Variants in FRRS1 observed in about 807,000 individuals in gnomAD.
FRRS1 encodes the protein ferric chelate reductase 1.
A neutral mutation model predicts 70.7 loss-of-function variants in FRRS1; 51 were observed. The observed-to-expected ratio is 0.72, with a 90% CI of 0.58 to 0.91. The LOEUF is 0.91. Among genes scored for constraint, FRRS1 ranks in the 40% least tolerant of loss-of-function variants. The probability of loss-of-function intolerance (pLI) is 0.00; values close to 1 mark genes in which losing one functional copy is unlikely to be tolerated. For missense variants in FRRS1, 672 were observed against 726.0 expected (o/e 0.93, Z 0.86); for synonymous variants, 225 against 238.7 (o/e 0.94, Z 0.53).
chr1:99,738,907 G>A (rs1655813397), intron 6 of FRRS1, among the ~76,000 whole-genome samples: 1 of 152,050 alleles, frequency 6.6e-6, no homozygotes, highest in Admixed American at 6.5e-5. Flanking sequence ...TTCTTGATAA[G>A]GAATATAAGA....
chr1:99,722,219 G>C (rs1037818611), intron 9 of FRRS1, among the ~76,000 whole-genome samples: 7 of 152,114 alleles, frequency 4.6e-5, no homozygotes, highest in African/African-American at 1.7e-4. Context: ...ATGTTGCCCA[G>C]GCTGGTCTCA....
chr1:99,734,642 C>T (rs977561992), intron 7 of FRRS1, among the ~76,000 whole-genome samples: 4 of 152,042 alleles, frequency 2.6e-5, no homozygotes, highest in Non-Finnish European at 5.9e-5. Flanking sequence ...TCTCTGAATA[C>T]CAAAAAAGAT....
At position 99,748,875 on chromosome 1, in the gene FRRS1, G is replaced by A; in HGVS notation, c.-1+22C>T. 8 of 758,574 alleles carry A rather than the reference G, an allele frequency of 1.1e-5. No homozygotes were observed. In the South Asian group the frequency reaches 1.6e-4, roughly 15 times the overall value. The allele number at this position is 758,574 out of a possible 1,614,324, so 47.0% of individuals were successfully genotyped here. A position where few individuals can be genotyped will look rare whatever the true frequency, so the allele number is the denominator to read the frequency against. ...GATAACTACTTGCTTTCTGTGTTCA[G>A]CAAACCATATTCTCAACATACCTGA... On this transcript the variant is annotated intron_variant, in intron 2 of 16. Transcript: ENST00000646001.
intron 8 of FRRS1, among the ~76,000 whole-genome samples, chr1:99,728,843 G>A (rs190512441): frequency 7.9e-4 from 120 of 152,082 alleles, no homozygotes; most frequent in Non-Finnish European, 1.2e-3. Context: ...ATCCCACTTG[G>A]CAAAAAGAAA....
intron 9 of FRRS1, among the ~76,000 whole-genome samples, chr1:99,727,154 C>A (rs1042553813): frequency 3.9e-5 from 6 of 152,126 alleles, no homozygotes; most frequent in Non-Finnish European, 8.8e-5. Context: ...AATAATACAC[C>A]TCTAGCTTGT....
At chr1:99,761,885 A>G (rs1657126366) in intron 1 of FRRS1, among the ~76,000 whole-genome samples, 1 of 152,244 alleles carries the variant, frequency 6.6e-6, no homozygotes, top group Admixed American at 6.5e-5. Context: ...TAATAGTAGA[A>G]GAGTTAACAA....
At chr1:99,720,514 T>C (rs1046425494) in intron 9 of FRRS1, among the ~76,000 whole-genome samples, 1 of 152,036 alleles carries the variant, frequency 6.6e-6, no homozygotes, top group African/African-American at 2.4e-5. Flanking sequence ...TGAACCTTTG[T>C]CTAAAACAAA....
Position 99,708,777 on chromosome 1 carries a change from C to T in FRRS1, c.*251G>A, listed in dbSNP as rs1474821041. 5.0e-6 allele frequency: 3 copies of T among 602,104 alleles called. No homozygotes were observed. Among genetic ancestry groups the T allele is most frequent in the African/African-American group, 1.9e-5 (1 of 53,464 alleles). 37.3% of individuals were successfully genotyped at this position (602,104 alleles called of 1,614,324 possible). The stretch of plus-strand genomic sequence containing the variant: ...CTTGGCATGAAATATTTGAGAGTTA[C>T]TTCTCCTGAAGTACAATCTTTCCTT... On this transcript the variant is annotated 3_prime_UTR_variant, in exon 17 of 17. Transcript: ENST00000646001.
rs200383142 is a variant in FRRS1 at position 99,709,140 on chromosome 1, A to G, written c.1687-20T>C. On this transcript the variant is annotated intron_variant, in intron 16 of 16. Transcript: ENST00000646001. ...ATGACCCTGAAAGAAAAATTGAGAT[A>G]TGAAAAAAAAAAGTATTACCATTAA... 6 of 1,605,738 alleles carry G rather than the reference A, an allele frequency of 3.7e-6. No homozygotes were observed. The East Asian group carries it at 1.3e-4, about 36-fold the overall frequency.
chr1:99,721,911 A>C (rs1261157460), intron 9 of FRRS1, among the ~76,000 whole-genome samples: 1 of 152,034 alleles, frequency 6.6e-6, no homozygotes, highest in Non-Finnish European at 1.5e-5. Context: ...AATTCTTTTT[A>C]ATTAGTCAAA....
At chr1:99,762,761 C>G (rs939049490) in intron 1 of FRRS1, among the ~76,000 whole-genome samples, 3 of 152,180 alleles carry the variant, frequency 2.0e-5, no homozygotes, top group Admixed American at 2.0e-4. Flanking sequence ...TTTCAAACCC[C>G]GAACTCTCAG....
At chr1:99,726,985 G>A (rs1326414819) in intron 9 of FRRS1, among the ~76,000 whole-genome samples, 1 of 152,176 alleles carries the variant, frequency 6.6e-6, no homozygotes, top group Non-Finnish European at 1.5e-5. Flanking sequence ...AAAGTGCTGG[G>A]ATTATAGGCG....
chr1:99,741,145 T>G (rs1655942710), intron 5 of FRRS1, among the ~76,000 whole-genome samples: 1 of 152,250 alleles, frequency 6.6e-6, no homozygotes, highest in Admixed American at 6.5e-5. Context: ...TCTCTCCCTC[T>G]GTCCCTCTTT....
At chr1:99,729,796 A>G in intron 7 of FRRS1, 48 bp from the exon 8 acceptor site, 1 of 1,265,506 alleles carries the variant, frequency 7.9e-7, no homozygotes, top group Non-Finnish European at 1.1e-6. Flanking sequence ...GAATTTCAGC[A>G]TTTTATTTTC....
At chr1:99,761,226 A>G (rs1259553449) in intron 1 of FRRS1, among the ~76,000 whole-genome samples, 1 of 151,940 alleles carries the variant, frequency 6.6e-6, no homozygotes, top group African/African-American at 2.4e-5. Flanking sequence ...TATCAGACTC[A>G]AGCAATCCTC....
rs1277736558 is a variant in FRRS1 at position 99,704,246 on chromosome 1, A to G, written c.*4782T>C. Among the ~76,000 whole-genome samples the G allele has an allele frequency of 6.6e-6, 1 of 152,222 alleles. No individual in the cohort carries two copies. Among genetic ancestry groups the G allele is most frequent in the Non-Finnish European group, 1.5e-5 (1 of 68,042 alleles). ...CCAAGGACATGCAGCTTGTAAACCA[A>G]CAAGCAAACATGCACATTCAGGTCT... On this transcript the variant is annotated 3_prime_UTR_variant, in exon 17 of 17. Transcript: ENST00000646001.
Position 99,705,683 on chromosome 1 carries a change from T to A in FRRS1, c.*3345A>T, listed in dbSNP as rs181807630. ...AATAAAGTACTAAAGTGAATTTGATTCATTTACTTGATAACCCATACTATA... is the reference window on the plus strand; with the variant it reads ...AATAAAGTACTAAAGTGAATTTGATACATTTACTTGATAACCCATACTATA... On this transcript the variant is annotated 3_prime_UTR_variant, in exon 17 of 17. Transcript: ENST00000646001. 2.2e-4 allele frequency among the ~76,000 whole-genome samples: 33 copies of A among 152,328 alleles called. No individual in the cohort carries two copies. The highest frequency in any genetic ancestry group is 7.2e-4 in the Admixed American group (11 of 15,312).
At chr1:99,709,381 A>G (rs2100895848) in intron 15 of FRRS1, 122 bp from the exon 16 acceptor site, 3 of 665,492 alleles carry the variant, frequency 4.5e-6, no homozygotes, top group Non-Finnish European at 7.9e-6. Context: ...CCCACTCCAA[A>G]CTACTAATTA....
intron 4 of FRRS1, among the ~76,000 whole-genome samples, chr1:99,742,796 T>A (rs896518992): frequency 6.6e-6 from 1 of 152,220 alleles, no homozygotes; most frequent in Admixed American, 6.5e-5. Context: ...CCTTCCAGGC[T>A]GTGTGTGGCT....
Sources: allele counts gnomAD v4.1 joint callset (sites outside exome capture counted in the v4.1 genomes callset), GRCh38; gene constraint gnomAD v4.1.1; transcripts MANE v1.5; gene names NCBI Gene and HGNC (gene_info 2026-07-23, HGNC 2026-07-21).